The following LTAP1 variants were observed in gnomAD, a reference collection of about 807,000 sequenced individuals.
The protein encoded by LTAP1 is HCV NS5A-transactivated protein 4.
the LTAP1 span, chr1:154,212,068 G>A: frequency 6.8e-6 from 3 of 442,726 alleles, no homozygotes; most frequent in Non-Finnish European, 1.3e-5. Context: ...TGTTGGTCAG[G>A]CTGGTCTCGG....
chr1:154,220,313 G>C, the LTAP1 span: 122 of 1,613,036 alleles, frequency 7.6e-5, no homozygotes, highest in Middle Eastern at 1.6e-4. Flanking sequence ...AGATGCGACA[G>C]CAGGAATGGG....
At chr1:154,212,815 C>G in the LTAP1 span, 1 of 586,528 alleles carries the variant, frequency 1.7e-6, no homozygotes, top group Non-Finnish European at 3.0e-6. Context: ...ATGTGCACCA[C>G]CATGCCAGGC....
At chr1:154,210,652 G>T in the LTAP1 span, among the ~76,000 whole-genome samples, 1 of 151,842 alleles carries the variant, frequency 6.6e-6, no homozygotes, top group Non-Finnish European at 1.5e-5. Flanking sequence ...GCTAATTTTT[G>T]TATTTTTGTA....
At chr1:154,216,281 A>G in the LTAP1 span, among the ~76,000 whole-genome samples, 1 of 152,076 alleles carries the variant, frequency 6.6e-6, no homozygotes, top group Non-Finnish European at 1.5e-5. Flanking sequence ...CCTGGTTTTC[A>G]ACTTGATACA....
chr1:154,209,586 T>G, the LTAP1 span, among the ~76,000 whole-genome samples: 1 of 150,944 alleles, frequency 6.6e-6, no homozygotes, highest in Non-Finnish European at 1.5e-5. Flanking sequence ...TCGCCACCAC[T>G]CCCAGCTAAT....
At chr1:154,220,439 T>C in the LTAP1 span, 1 of 1,613,394 alleles carries the variant, frequency 6.2e-7, no homozygotes, top group South Asian at 1.1e-5. Context: ...ATTGTTCGGG[T>C]TTACCCCGCT....
the LTAP1 span, among the ~76,000 whole-genome samples, chr1:154,207,838 C>G: frequency 1.3e-5 from 2 of 152,162 alleles, no homozygotes; most frequent in African/African-American, 2.4e-5. Flanking sequence ...CGGTGGCTCA[C>G]GCCTGTAATC....
chr1:154,210,915 A>G, the LTAP1 span, among the ~76,000 whole-genome samples: 5 of 152,202 alleles, frequency 3.3e-5, no homozygotes, highest in Admixed American at 3.3e-4. Context: ...TGTGACACAA[A>G]TGCTCAACAG....
the LTAP1 span, among the ~76,000 whole-genome samples, chr1:154,210,368 G>A: frequency 1.3e-5 from 2 of 152,126 alleles, no homozygotes; most frequent in Admixed American, 1.3e-4. Context: ...AGACAACGTA[G>A]CTCATTTTTA....
the LTAP1 span, among the ~76,000 whole-genome samples, chr1:154,211,551 G>T: frequency 6.7e-6 from 1 of 150,332 alleles, no homozygotes; most frequent in Non-Finnish European, 1.5e-5. Context: ...TGGCTAGGAT[G>T]GTCTTGATCT....
the LTAP1 span, chr1:154,219,997 T>TA: frequency 2.7e-4 from 365 of 1,353,134 alleles, no homozygotes; most frequent in Non-Finnish European, 2.9e-4. Flanking sequence ...GTTTTTTTTT[T>TA]AAAAAAGCAT....
chr1:154,214,598 ACAAT>A, the LTAP1 span: 1 of 1,456,038 alleles, frequency 6.9e-7, no homozygotes, highest in Non-Finnish European at 9.6e-7. Context: ...AAAAGAATAC[ACAAT>A]CATTTACCCT....
chr1:154,217,414 C>A, the LTAP1 span, among the ~76,000 whole-genome samples: 9 of 152,212 alleles, frequency 5.9e-5, no homozygotes, highest in African/African-American at 2.2e-4. Context: ...TCTCCCAGCC[C>A]AGGCAACATG....
At chr1:154,209,569 T>G in the LTAP1 span, among the ~76,000 whole-genome samples, 40 of 150,994 alleles carry the variant, frequency 2.6e-4, no homozygotes, top group African/African-American at 9.7e-4. Flanking sequence ...GGACTACAGG[T>G]AGGTGGTCGC....
the LTAP1 span, chr1:154,207,736 T>G: frequency 9.3e-7 from 1 of 1,073,384 alleles, no homozygotes; most frequent in African/African-American, 1.6e-5. Context: ...GCAGCAATAG[T>G]CACAAATAGT....
At chr1:154,220,378 C>G in the LTAP1 span, 1 of 1,614,234 alleles carries the variant, frequency 6.2e-7, no homozygotes, top group Non-Finnish European at 8.5e-7. Context: ...CGACATTCAC[C>G]CCGGAGAGCC....
At chr1:154,210,635 A>G in the LTAP1 span, among the ~76,000 whole-genome samples, 1 of 151,874 alleles carries the variant, frequency 6.6e-6, no homozygotes, top group Non-Finnish European at 1.5e-5. Context: ...GCACATCATC[A>G]TGCCCGGCTA....
chr1:154,219,987 G>GT, the LTAP1 span: 579,265 of 1,195,932 alleles, frequency 0.48, 107,843 homozygotes, highest in East Asian at 0.78. Flanking sequence ...GTTTTGTTTT[G>GT]TTTTTTTTTT....
At chr1:154,214,658 T>C in the LTAP1 span, 5 of 787,492 alleles carry the variant, frequency 6.3e-6, no homozygotes, top group East Asian at 1.3e-4. Flanking sequence ...AGTTAATGAA[T>C]AACTAAGACA....
Sources: allele counts gnomAD v4.1 joint callset (sites outside exome capture counted in the v4.1 genomes callset), GRCh38; gene constraint gnomAD v4.1.1; transcripts MANE v1.5; gene names NCBI Gene and HGNC (gene_info 2026-07-23, HGNC 2026-07-21).